AMELY: variants seen among roughly 807,000 people sequenced by gnomAD.
AMELY encodes the protein amelogenin Y-linked.
AMELY carries 4 observed loss-of-function variants against 4.2 expected under a neutral mutation model. That is an observed-to-expected ratio of 0.96 (90% CI 0.47 to 2.19). AMELY has a LOEUF of 2.19. Among genes scored for constraint, AMELY ranks in the 30% most tolerant of loss-of-function variants. The probability of loss-of-function intolerance (pLI) is 0.02; values close to 1 mark genes in which losing one functional copy is unlikely to be tolerated. For missense variants in AMELY, 32 were observed against 41.5 expected (o/e 0.77, Z 0.63); for synonymous variants, 11 against 14.7 (o/e 0.75, Z 0.57).
At chrY:6,884,944 A>G (rs760576637) in intron 1 of AMELY, among the ~76,000 whole-genome samples, 1 of 33,976 alleles carries the variant, frequency 2.9e-5, no homozygotes, top group Non-Finnish European at 7.3e-5. Flanking sequence ...ATTTCTCAAA[A>G]GAAGATATAT....
In AMELY at chrY:6,872,576, C is replaced by G; in HGVS notation, c.33G>C (p.Val11=). The change falls in exon 3 of 7, where the codon GTG becomes GTC. Residue 11 remains valine (V), a synonymous_variant. Transcript: ENST00000651267. The part of the protein sequence containing the change: MGTWILFACL[V]GAAFAMPLPP... ...TCACAGGCATGGCAAAAGCTGCTCCCACAAGGCAGGCAAACAAAATCCAGG... is the reference window on the plus strand; with the variant it reads ...TCACAGGCATGGCAAAAGCTGCTCCGACAAGGCAGGCAAACAAAATCCAGG... The G allele has an allele frequency of 1.5e-5, 6 of 397,474 alleles. No individual in the cohort carries two copies. Among genetic ancestry groups the G allele is most frequent in the Non-Finnish European group, 2.1e-5 (6 of 282,955 alleles).
intron 1 of AMELY, among the ~76,000 whole-genome samples, chrY:6,892,983 G>T (rs2054084385): frequency 3.0e-5 from 1 of 33,670 alleles, no homozygotes; most frequent in Non-Finnish European, 7.3e-5. Flanking sequence ...ACCAGGCTGG[G>T]TTTTTACCTT....
rs2054061658 is a variant in AMELY, at chrY:6,866,081, G to GA, written c.574-4dup. 6 of 299,295 alleles carry GA rather than the reference G, an allele frequency of 2.0e-5. No individual in the cohort carries two copies. The highest frequency in any genetic ancestry group is 2.8e-5 in the Non-Finnish European group (6 of 215,320). The allele number at this position is 299,295 out of a possible 400,897, so 74.7% of individuals were successfully genotyped here. On this transcript the variant is annotated splice_polypyrimidine_tract_variant and splice_region_variant and intron_variant, in intron 6 of 6. Transcript: ENST00000651267. ...TCTCATATTCTGGTCTTTTAATCCT[G>GA]AAAAAAATAGCAAAAGGAACAATTA... is the stretch of plus-strand genomic sequence containing the variant.
chrY:6,895,863 C>T (rs1017497142), intron 1 of AMELY, among the ~76,000 whole-genome samples: 1 of 33,292 alleles, frequency 3.0e-5, no homozygotes, highest in Non-Finnish European at 7.4e-5. Flanking sequence ...GGCATTTTCA[C>T]GATATTGATT....
chrY:6,895,810 G>A (rs2054085822), intron 1 of AMELY, among the ~76,000 whole-genome samples: 1 of 33,392 alleles, frequency 3.0e-5, no homozygotes, highest in South Asian at 6.9e-4. Context: ...TTGGTAGCTT[G>A]ATGGGGATGG....
chrY:6,878,986 C>T, intron 1 of AMELY, among the ~76,000 whole-genome samples: 2 of 33,951 alleles, frequency 5.9e-5, no homozygotes, highest in Non-Finnish European at 1.5e-4. Context: ...CTGCAATAAA[C>T]ATACATATGC....
chrY:6,903,363 G>A, intron 1 of AMELY, among the ~76,000 whole-genome samples: 2 of 32,981 alleles, frequency 6.1e-5, no homozygotes, highest in East Asian at 1.6e-3. Flanking sequence ...TAATATTGTG[G>A]GAATAGGAAG....
chrY:6,909,671 TCTG>T (rs2011677954), intron 1 of AMELY, among the ~76,000 whole-genome samples: 1 of 32,780 alleles, frequency 3.1e-5, no homozygotes, highest in Non-Finnish European at 7.4e-5. Flanking sequence ...AATTTTCAGG[TCTG>T]CTTTTTTGTT....
chrY:6,907,924 T>C, intron 1 of AMELY, among the ~76,000 whole-genome samples: 1 of 31,851 alleles, frequency 3.1e-5, no homozygotes. Flanking sequence ...CTCACTGCAA[T>C]CTCCACCTCC....
chrY:6,870,773 T>A (rs2054067035), intron 3 of AMELY, among the ~76,000 whole-genome samples: 1 of 33,035 alleles, frequency 3.0e-5, no homozygotes, highest in South Asian at 7.0e-4. Flanking sequence ...CAGAAAAAAA[T>A]TTTTAAGTTA....
chrY:6,872,333 T>G, intron 3 of AMELY, among the ~76,000 whole-genome samples: 1 of 33,376 alleles, frequency 3.0e-5, no homozygotes, highest in Non-Finnish European at 7.3e-5. Flanking sequence ...AATCTTGACA[T>G]TTACAAAGAT....
At chrY:6,902,002 A>G (rs2054089726) in intron 1 of AMELY, among the ~76,000 whole-genome samples, 1 of 32,966 alleles carries the variant, frequency 3.0e-5, no homozygotes, top group South Asian at 7.0e-4. Context: ...CTCAGTATTA[A>G]CCATCACAAG....
chrY:6,911,467 C>T (rs2011692596), intron 1 of AMELY, among the ~76,000 whole-genome samples: 1 of 34,410 alleles, frequency 2.9e-5, no homozygotes, highest in Admixed American at 2.5e-4. Flanking sequence ...AGCGCAGTCG[C>T]GCAGAGCGGG....
At chrY:6,883,388 G>A (rs2054076488) in intron 1 of AMELY, among the ~76,000 whole-genome samples, 1 of 32,265 alleles carries the variant, frequency 3.1e-5, no homozygotes, top group South Asian at 7.3e-4. Flanking sequence ...AGTGGGATTT[G>A]AACAATGAAA....
chrY:6,908,899 T>C (rs2011672877), intron 1 of AMELY, among the ~76,000 whole-genome samples: 1 of 33,196 alleles, frequency 3.0e-5, no homozygotes, highest in African/African-American at 1.2e-4. Flanking sequence ...ATAAGGGCAG[T>C]AAACCCGGTG....
chrY:6,899,128 C>G (rs2054087665), intron 1 of AMELY, among the ~76,000 whole-genome samples: 1 of 33,950 alleles, frequency 2.9e-5, no homozygotes, highest in African/African-American at 1.1e-4. Flanking sequence ...GCCTGAGGCA[C>G]TGGCCATTTC....
chrY:6,886,449 G>A (rs756401722), intron 1 of AMELY, among the ~76,000 whole-genome samples: 277 of 33,625 alleles, frequency 8.2e-3, no homozygotes, highest in African/African-American at 0.029. Flanking sequence ...CTGGTTAGAG[G>A]AGCATTTGAG....
chrY:6,882,587 T>C (rs957760299), intron 1 of AMELY, among the ~76,000 whole-genome samples: 4 of 33,180 alleles, frequency 1.2e-4, no homozygotes, highest in African/African-American at 2.3e-4. Context: ...AAAGCCAAAA[T>C]TGACAAATGG....
chrY:6,887,109 G>A, intron 1 of AMELY, among the ~76,000 whole-genome samples: 1 of 33,002 alleles, frequency 3.0e-5, no homozygotes, highest in African/African-American at 1.2e-4. Context: ...GAATTTAATA[G>A]TTCACAAAAT....
Sources: allele counts gnomAD v4.1 joint callset (sites outside exome capture counted in the v4.1 genomes callset), GRCh38; gene constraint gnomAD v4.1.1; transcripts MANE v1.5; gene names NCBI Gene and HGNC (gene_info 2026-07-23, HGNC 2026-07-21).